PI4KA: variants seen among roughly 807,000 people sequenced by gnomAD.
The protein encoded by PI4KA is phosphatidylinositol 4-kinase alpha.
Under a neutral mutation model 271.4 loss-of-function variants are expected in PI4KA, and 122 were observed. The observed-to-expected ratio is 0.45, with a 90% CI of 0.39 to 0.52. The LOEUF (loss-of-function observed/expected upper bound fraction) is 0.52. Ranked by LOEUF, PI4KA falls within the 20% of genes least tolerant of loss-of-function variation. PI4KA has a pLI of 0.00. For missense variants in PI4KA, 1,969 were observed against 2,769.1 expected (o/e 0.71, Z 6.48); for synonymous variants, 1,041 against 1,078.8 (o/e 0.96, Z 0.69).
In PI4KA at chr22:20,729,910, T is replaced by C; in HGVS notation, c.4390A>G (p.Thr1464Ala). Residue 1464 changes from threonine to alanine, a missense_variant, in exon 37 of 55, where the codon ACC (threonine) becomes GCC (alanine). By Grantham distance (58) the Thr-to-Ala change is moderately conservative. Around this residue, in one of 13 missense-constraint regions of PI4KA, gnomAD observed 388 missense variants for 521.5 expected, o/e 0.74. Coordinates refer to ENST00000255882, the MANE Select transcript of PI4KA (RefSeq NM_058004.4). ...CACCGACCTGATTTCTTGGAGATGG[T>C]GGACATGCCGCTGGACAGGGGGTAT... ...NTYPLSSGMS[T>A]ISKKSGMSKK... 1 of 1,614,118 alleles carries C rather than the reference T, an allele frequency of 6.2e-7. No individual in the cohort carries two copies. Among genetic ancestry groups the C allele is most frequent in the Non-Finnish European group, 8.5e-7 (1 of 1,180,006 alleles).
At chr22:20,786,231 C>A in intron 19 of PI4KA, 7 of 1,439,658 alleles carry the variant, frequency 4.9e-6, no homozygotes, top group Non-Finnish European at 5.8e-6. Context: ...TTCCTACCCA[C>A]CCCCCAATCT....
At chr22:20,846,674 C>G (rs1251259236) in intron 1 of PI4KA, among the ~76,000 whole-genome samples, 1 of 151,516 alleles carries the variant, frequency 6.6e-6, no homozygotes, top group African/African-American at 2.4e-5. Flanking sequence ...GAAACCCCAT[C>G]TCTACTAAAA....
rs1207616730 is a variant in PI4KA, at chr22:20,790,342, A to G, written c.2328+2851T>C. Among the ~76,000 whole-genome samples, 4 of 152,130 alleles carry G rather than the reference A, an allele frequency of 2.6e-5. No homozygotes were observed. The East Asian group carries it at 5.8e-4, about 22-fold the overall frequency. On this transcript the variant is annotated intron_variant, in intron 19 of 54. Coordinates refer to ENST00000255882, the MANE Select transcript of PI4KA (RefSeq NM_058004.4). ...TCACAGAATATACTCTATATACAAA[A>G]TAGAGTATATCTTTCTTTTAAAAAA...
At chr22:20,844,637 G>A (rs775236112) in intron 1 of PI4KA, among the ~76,000 whole-genome samples, 2 of 152,184 alleles carry the variant, frequency 1.3e-5, no homozygotes, top group Non-Finnish European at 2.9e-5. Context: ...TTATTAGAAA[G>A]ACATCTGAAA....
intron 3 of PI4KA, among the ~76,000 whole-genome samples, chr22:20,829,704 G>GTTAGT (rs2147740667): frequency 6.6e-6 from 1 of 151,904 alleles, no homozygotes; most frequent in Non-Finnish European, 1.5e-5. Context: ...TAGCTTTGGG[G>GTTAGT]TTAGTTTGTT....
chr22:20,755,388 T>C (rs9624749), intron 23 of PI4KA, among the ~76,000 whole-genome samples: 6,590 of 152,234 alleles, frequency 0.043, 453 homozygotes, highest in African/African-American at 0.15. Flanking sequence ...CAGGCCTCCC[T>C]AGAATCAACC....
chr22:20,787,024 C>T (rs1156524940), intron 19 of PI4KA: 2 of 1,614,178 alleles, frequency 1.2e-6, no homozygotes, highest in Non-Finnish European at 1.7e-6. Context: ...GCACCAGCTG[C>T]CTGCTCTTCA....
At chr22:20,827,236 G>T (rs165882) in intron 3 of PI4KA, among the ~76,000 whole-genome samples, 74,046 of 151,958 alleles carry the variant, frequency 0.49, 18,547 homozygotes, top group African/African-American at 0.59. Flanking sequence ...TGTATAAGGT[G>T]TAAGTAAGGG....
chr22:20,858,603 G>A lies in PI4KA; in HGVS notation c.123C>T (p.Ser41=), dbSNP rs765568951. 7 of 1,475,592 alleles carry A rather than the reference G, an allele frequency of 4.7e-6. No individual in the cohort carries two copies. In the African/African-American group the frequency reaches 8.7e-5, roughly 18 times the overall value. The allele number at this position is 1,475,592 out of a possible 1,614,324, so 91.4% of individuals were successfully genotyped here. The change falls in exon 1 of 55, where the codon TCC becomes TCT. Residue 41 remains serine, a synonymous_variant. Coordinates refer to ENST00000255882, the MANE Select transcript of PI4KA (RefSeq NM_058004.4). ...YFNTVLSLAR[S]LAVQRPASLE... ...AGGATGCTGGTCTCTGCACCGCCAG[G>A]GAGCGGGCCAGTGACAGGACCGTGT... is the stretch of plus-strand genomic sequence containing the variant.
intron 1 of PI4KA, among the ~76,000 whole-genome samples, chr22:20,852,252 T>A (rs945080087): frequency 3.9e-5 from 6 of 152,090 alleles, no homozygotes; most frequent in African/African-American, 1.4e-4. Flanking sequence ...CTCCAATGAG[T>A]GCAAACTGCA....
chr22:20,785,965 G>C, intron 19 of PI4KA: 3 of 1,613,974 alleles, frequency 1.9e-6, no homozygotes, highest in Non-Finnish European at 2.5e-6. Flanking sequence ...GTAACTTGTG[G>C]TTCAATAAAA....
chr22:20,776,986 T>A (rs930510714), intron 19 of PI4KA, among the ~76,000 whole-genome samples: 2 of 152,076 alleles, frequency 1.3e-5, no homozygotes, highest in African/African-American at 4.8e-5. Flanking sequence ...CAAATATCTA[T>A]CTAATAGGAA....
At chr22:20,766,206 C>G (rs1441696435) in intron 19 of PI4KA, among the ~76,000 whole-genome samples, 1 of 151,934 alleles carries the variant, frequency 6.6e-6, no homozygotes, top group Non-Finnish European at 1.5e-5. Context: ...CAAGAACTCT[C>G]ATGGGCCAGG....
intron 18 of PI4KA, among the ~76,000 whole-genome samples, chr22:20,794,785 G>A (rs965651599): frequency 6.6e-6 from 1 of 152,166 alleles, no homozygotes; most frequent in African/African-American, 2.4e-5. Flanking sequence ...TCTAGAGCAA[G>A]GGCTGGTAAA....
chr22:20,781,650 A>G, intron 19 of PI4KA, among the ~76,000 whole-genome samples: 1 of 152,254 alleles, frequency 6.6e-6, no homozygotes, highest in East Asian at 1.9e-4. Flanking sequence ...GGCATGGCAC[A>G]ATGCTGGCCT....
In PI4KA at chr22:20,799,097, C is replaced by T. The variant is rs780277768; in HGVS notation, c.2000G>A (p.Gly667Glu). ...TCTGGCTCTGGCCTCCCTTACATTTCCGGTGATAACCAGGCAGCCCAGCTG... is the reference window on the plus strand; with the variant it reads ...TCTGGCTCTGGCCTCCCTTACATTTTCGGTGATAACCAGGCAGCCCAGCTG... ...IDQLGCLVIT[G>E]NQYIYQEVWN... Residue 667 changes from glycine (G) to glutamate (E), a missense_variant, in exon 16 of 55, where the codon GGA (glycine) becomes GAA (glutamate). Around this residue, in one of 13 missense-constraint regions of PI4KA, gnomAD observed 228 missense variants for 261.6 expected, o/e 0.87. Coordinates refer to ENST00000255882, the MANE Select transcript of PI4KA (RefSeq NM_058004.4). 3 of 1,613,118 alleles carry T rather than the reference C, an allele frequency of 1.9e-6. No individual in the cohort carries two copies. The Admixed American group carries it at 5.0e-5, about 27-fold the overall frequency.
chr22:20,775,916 C>T (rs550423266), intron 19 of PI4KA, among the ~76,000 whole-genome samples: 12 of 151,988 alleles, frequency 7.9e-5, no homozygotes, highest in African/African-American at 2.6e-4. Context: ...AAGTGTGTTG[C>T]TATTGATACA....
At position 20,729,330 on chromosome 22, in the gene PI4KA, G is replaced by C; in HGVS notation, c.4665C>G (p.Ala1555=). The C allele has an allele frequency of 1.2e-6, 2 of 1,613,612 alleles. No homozygotes were observed. Among genetic ancestry groups the C allele is most frequent in the Non-Finnish European group, 1.7e-6 (2 of 1,179,802 alleles). The change falls in exon 39 of 55, where the codon GCC becomes GCG. Residue 1555 remains alanine, a synonymous_variant. Coordinates refer to ENST00000255882, the MANE Select transcript of PI4KA (RefSeq NM_058004.4). ...NLAWSISPYL[A]VQLPARFKNT... The stretch of plus-strand genomic sequence containing the variant: ...GGGCCCACCTGGCAGGCAGCTGCAC[G>C]GCTAGGTAGGGAGAGATGCTCCAGG...
intron 32 of PI4KA, among the ~76,000 whole-genome samples, chr22:20,736,187 C>T (rs1928697833): frequency 6.6e-6 from 1 of 152,004 alleles, no homozygotes. Context: ...AGGAGTGAGG[C>T]GCAAGGCACG....
Sources: gnomAD v4.1 joint callset for allele counts (sites outside exome capture counted in the v4.1 genomes callset) on GRCh38, gnomAD v4.1.1 for gene constraint, gnomAD v4.1.1 regional missense constraint, MANE v1.5 for transcripts, NCBI Gene and HGNC (gene_info 2026-07-23, HGNC 2026-07-21) for gene names.